CDH13: variants seen among roughly 807,000 people sequenced by gnomAD.
CDH13 encodes the protein cadherin-13.
CDH13 carries 24 observed loss-of-function variants against 63.8 expected under a neutral mutation model. That is an observed-to-expected ratio of 0.38 (90% confidence interval 0.27 to 0.53). The LOEUF (loss-of-function observed/expected upper bound fraction) is 0.53. Among genes scored for constraint, CDH13 ranks in the 20% least tolerant of loss-of-function variants. The pLI is 0.85. For synonymous variants in CDH13, 503 were observed against 355.3 expected (o/e 1.42, Z -4.67); for missense variants, 1,049 against 903.1 (o/e 1.16, Z -2.07).
chr16:82,676,050 G>A (rs949163666), intron 1 of CDH13, among the ~76,000 whole-genome samples: 26 of 152,162 alleles, frequency 1.7e-4, no homozygotes, highest in African/African-American at 4.8e-4. Flanking sequence ...GATTGATTAA[G>A]CCCCCAGTCT....
At chr16:83,543,738 C>G (rs1036734866) in intron 7 of CDH13, among the ~76,000 whole-genome samples, 1 of 152,178 alleles carries the variant, frequency 6.6e-6, no homozygotes, top group African/African-American at 2.4e-5. Context: ...GTATGCTGCT[C>G]TCATCTAATG....
At chr16:83,500,233 CCTT>C (rs1433272462) in intron 7 of CDH13, among the ~76,000 whole-genome samples, 1 of 19,026 alleles carries the variant, frequency 5.3e-5, no homozygotes, top group African/African-American at 1.8e-4. Flanking sequence ...TCTTTCTTCT[CCTT>C]CTTCTTCTTC....
chr16:83,750,383 C>T (rs1380016551), intron 11 of CDH13, among the ~76,000 whole-genome samples: 1 of 152,202 alleles, frequency 6.6e-6, no homozygotes, highest in East Asian at 1.9e-4. Context: ...ACCTAACTGG[C>T]TTTTTCTGCC....
intron 4 of CDH13, among the ~76,000 whole-genome samples, chr16:83,142,977 C>G (rs933467218): frequency 6.6e-6 from 1 of 152,168 alleles, no homozygotes; most frequent in Admixed American, 6.5e-5. Flanking sequence ...ATGGCACATG[C>G]CTGTCATCCC....
intron 5 of CDH13, among the ~76,000 whole-genome samples, chr16:83,312,607 C>T (rs2090024734): frequency 6.6e-6 from 1 of 152,070 alleles, no homozygotes; most frequent in African/African-American, 2.4e-5. Context: ...TGACTGACAC[C>T]CCTGCCAGGT....
intron 3 of CDH13, among the ~76,000 whole-genome samples, chr16:83,107,483 A>C (rs1265817182): frequency 6.6e-6 from 1 of 152,220 alleles, no homozygotes; most frequent in African/African-American, 2.4e-5. Flanking sequence ...AGACCAATGC[A>C]GCCTTCTTTC....
chr16:83,490,593 C>T (rs1431887869), intron 7 of CDH13, among the ~76,000 whole-genome samples: 1 of 152,190 alleles, frequency 6.6e-6, no homozygotes, highest in Non-Finnish European at 1.5e-5. Flanking sequence ...CTTGCACTCA[C>T]CATAGTCAAT....
At chr16:82,995,599 A>G (rs1212517945) in intron 2 of CDH13, among the ~76,000 whole-genome samples, 1 of 152,184 alleles carries the variant, frequency 6.6e-6, no homozygotes, top group Non-Finnish European at 1.5e-5. Context: ...GGGAGAAAAA[A>G]AGTCCTTTTT....
chr16:82,822,633 T>C (rs1350764524), intron 1 of CDH13, among the ~76,000 whole-genome samples: 2 of 152,166 alleles, frequency 1.3e-5, no homozygotes, highest in Admixed American at 6.5e-5. Flanking sequence ...TAGCTGAGAC[T>C]ACAGGTGTGC....
At chr16:83,210,221 C>A (rs527705647) in intron 4 of CDH13, among the ~76,000 whole-genome samples, 1 of 152,066 alleles carries the variant, frequency 6.6e-6, no homozygotes, top group Admixed American at 6.5e-5. Context: ...CCTGCCACCA[C>A]GCCTAGCTAG....
chr16:83,548,438 G>A (rs914261060), intron 7 of CDH13, among the ~76,000 whole-genome samples: 1 of 152,168 alleles, frequency 6.6e-6, no homozygotes, highest in Admixed American at 6.5e-5. Context: ...CAACAGCAAA[G>A]CTTTATCTGG....
At chr16:83,260,688 T>G (rs1906882790) in intron 5 of CDH13, among the ~76,000 whole-genome samples, 1 of 152,174 alleles carries the variant, frequency 6.6e-6, no homozygotes, top group Non-Finnish European at 1.5e-5. Context: ...GTTGGAACCT[T>G]GTGTTTCCTG....
intron 4 of CDH13, among the ~76,000 whole-genome samples, chr16:83,209,026 C>A (rs1175221162): frequency 6.6e-6 from 1 of 152,078 alleles, no homozygotes; most frequent in African/African-American, 2.4e-5. Flanking sequence ...TTCTGCTGAA[C>A]CCCTATCAAC....
At chr16:83,106,010 C>A (rs1419851516) in intron 3 of CDH13, among the ~76,000 whole-genome samples, 1 of 152,188 alleles carries the variant, frequency 6.6e-6, no homozygotes, top group Non-Finnish European at 1.5e-5. Flanking sequence ...GAACAATGTC[C>A]GCCTTCACAA....
At chr16:83,582,193 G>C (rs1567782697) in intron 7 of CDH13, among the ~76,000 whole-genome samples, 1 of 152,162 alleles carries the variant, frequency 6.6e-6, no homozygotes, top group Non-Finnish European at 1.5e-5. Flanking sequence ...ATTTTAGGCT[G>C]ATCAGACTAC....
intron 6 of CDH13, among the ~76,000 whole-genome samples, chr16:83,408,741 A>G (rs897921480): frequency 2.0e-5 from 3 of 152,216 alleles, no homozygotes; most frequent in Non-Finnish European, 4.4e-5. Context: ...TGCTAAATGT[A>G]ACCTTCAGTT....
intron 6 of CDH13, among the ~76,000 whole-genome samples, chr16:83,448,399 C>A (rs979360711): frequency 6.6e-6 from 1 of 152,138 alleles, no homozygotes; most frequent in South Asian, 2.1e-4. Context: ...GAGGGTTCAG[C>A]AGTTCTGTGC....
intron 8 of CDH13, among the ~76,000 whole-genome samples, chr16:83,666,692 T>C (rs926858646): frequency 6.6e-6 from 1 of 152,170 alleles, no homozygotes; most frequent in Non-Finnish European, 1.5e-5. Context: ...TGGCCTTTGC[T>C]CTTCCTCTTT....
At chr16:83,400,650 T>A (rs962213886) in intron 6 of CDH13, among the ~76,000 whole-genome samples, 1 of 152,230 alleles carries the variant, frequency 6.6e-6, no homozygotes. Context: ...CTCCATCCTT[T>A]CATCCTTTAT....
Sources: allele counts gnomAD v4.1 joint callset (sites outside exome capture counted in the v4.1 genomes callset), GRCh38; gene constraint gnomAD v4.1.1; transcripts MANE v1.5; gene names NCBI Gene and HGNC (gene_info 2026-07-23, HGNC 2026-07-21).